Variants in VPS53 observed in about 807,000 individuals in gnomAD.
VPS53 encodes VPS53 subunit of GARP complex.
A neutral mutation model predicts 107.0 loss-of-function variants in VPS53; 70 were observed. That is an observed-to-expected ratio of 0.65 (90% CI 0.54 to 0.80). The LOEUF is 0.80. Ranked by LOEUF, VPS53 falls within the 30% of genes least tolerant of loss-of-function variation. The probability of loss-of-function intolerance (pLI) is 0.00; values close to 1 mark genes in which losing one functional copy is unlikely to be tolerated. For missense variants in VPS53, 917 were observed against 1,049.4 expected (o/e 0.87, Z 1.74); for synonymous variants, 409 against 393.3 (o/e 1.04, Z -0.47).
chr17:605,732 G>A lies in VPS53; in HGVS notation c.1117-3836C>T, dbSNP rs1244405354. Among the ~76,000 whole-genome samples, 10 of 136,562 alleles carry A rather than the reference G, an allele frequency of 7.3e-5. No individual in the cohort carries two copies. In the East Asian group the frequency reaches 1.6e-3, roughly 22 times the overall value. The allele number at this position is 136,562 out of a possible 152,430, so 89.6% of individuals were successfully genotyped here. The stretch of plus-strand genomic sequence containing the variant: ...ATATTGGTGAGTCAGGGACGGAAAC[G>A]AAGATGGGGGCCTGGGGTAAGAGGG... On this transcript the variant is annotated intron_variant, in intron 11 of 21. Coordinates refer to ENST00000437048, the MANE Select transcript of VPS53 (RefSeq NM_001128159.3).
At chr17:551,746 C>G in intron 17 of VPS53, 126 bp downstream of exon 17, 1 of 752,142 alleles carries the variant, frequency 1.3e-6, no homozygotes, top group Non-Finnish European at 2.0e-6. Flanking sequence ...ACTCCGGGGC[C>G]TCTCCATTCT....
Position 571,643 on chromosome 17 carries a change from C to A in VPS53, c.1314-8898G>T, listed in dbSNP as rs544200595. 2.1e-4 allele frequency among the ~76,000 whole-genome samples: 32 copies of A among 152,322 alleles called. No homozygotes were observed. The East Asian group carries it at 6.2e-3, about 29-fold the overall frequency. On this transcript the variant is annotated intron_variant, in intron 13 of 21. Coordinates refer to ENST00000437048, the MANE Select transcript of VPS53 (RefSeq NM_001128159.3). Reference sequence around the variant, plus strand: ...ATCTTGGCTCACTGCAACCTCCCTGCCTGATTCTCCTGCCTCAGCCTGCCG... The same window carrying A: ...ATCTTGGCTCACTGCAACCTCCCTGACTGATTCTCCTGCCTCAGCCTGCCG...
intron 5 of VPS53, chr17:657,171 A>T: frequency 6.6e-7 from 1 of 1,517,134 alleles, no homozygotes; most frequent in Non-Finnish European, 9.1e-7. Context: ...GAGTCACCAG[A>T]TGAGGGATTC....
chr17:628,359 T>C, intron 8 of VPS53, 128 bp from the exon 9 acceptor site: 1 of 1,139,882 alleles, frequency 8.8e-7, no homozygotes, highest in Non-Finnish European at 1.2e-6. Context: ...ACTCATTCTT[T>C]CTGCTGTGGC....
At chr17:553,601 G>A (rs868268995) in intron 15 of VPS53, 139 bp from the exon 16 acceptor site, 22 of 662,196 alleles carry the variant, frequency 3.3e-5, no homozygotes, top group East Asian at 2.5e-4. Context: ...TTTGAGACTC[G>A]CTCTTGTTGC....
chr17:629,036 A>G lies in VPS53; in HGVS notation c.688-805T>C, dbSNP rs570002244. ...TCCTGGCTTGGCTAAAAAGCCATGCATGTAGCTTTGGAGCACTTGCTCACC... is the reference window on the plus strand; with the variant it reads ...TCCTGGCTTGGCTAAAAAGCCATGCGTGTAGCTTTGGAGCACTTGCTCACC... On this transcript the variant is annotated intron_variant, in intron 8 of 21. Transcript: ENST00000437048. Among the ~76,000 whole-genome samples the G allele has an allele frequency of 2.0e-5, 3 of 152,378 alleles. No homozygotes were observed. In the East Asian group the frequency reaches 5.8e-4, roughly 29 times the overall value.
chr17:587,531 C>T (rs1055940486), intron 12 of VPS53, among the ~76,000 whole-genome samples: 1 of 152,130 alleles, frequency 6.6e-6, no homozygotes, highest in Non-Finnish European at 1.5e-5. Flanking sequence ...TAGGCCACTG[C>T]AACACTAGAT....
intron 2 of VPS53, among the ~76,000 whole-genome samples, chr17:707,502 A>G (rs1973454968): frequency 6.7e-6 from 1 of 148,292 alleles, no homozygotes; most frequent in South Asian, 2.2e-4. Flanking sequence ...CCTGGGGGAC[A>G]AGAATGAGAC....
chr17:595,859 G>A (rs998323573), intron 12 of VPS53, among the ~76,000 whole-genome samples: 1 of 132,012 alleles, frequency 7.6e-6, no homozygotes, highest in African/African-American at 3.1e-5. Flanking sequence ...GAAGGGGTCT[G>A]GATCAATTTC....
At chr17:659,333 T>C (rs914099617) in intron 5 of VPS53, among the ~76,000 whole-genome samples, 6 of 152,168 alleles carry the variant, frequency 3.9e-5, no homozygotes, top group East Asian at 1.9e-4. Flanking sequence ...GCCCAGGCTG[T>C]ACTGCAGTAG....
chr17:545,738 C>T (rs148480426), intron 17 of VPS53, among the ~76,000 whole-genome samples: 59 of 152,192 alleles, frequency 3.9e-4, no homozygotes, highest in Middle Eastern at 3.4e-3. Context: ...TAAGACACAG[C>T]CCTCAAGTTG....
At chr17:600,078 A>G (rs1244138033) in intron 12 of VPS53, 1 of 152,246 alleles carries the variant, frequency 6.6e-6, no homozygotes, top group Admixed American at 6.5e-5. Context: ...CTTGGTCCTT[A>G]CAACAGTAAC....
chr17:657,385 T>C, intron 5 of VPS53: 1 of 796,110 alleles, frequency 1.3e-6, no homozygotes, highest in South Asian at 1.4e-5. Flanking sequence ...TGCATGCAAA[T>C]CTTCTTAAGT....
chr17:672,948 TA>T (rs1397133033), intron 4 of VPS53, among the ~76,000 whole-genome samples: 1 of 151,840 alleles, frequency 6.6e-6, no homozygotes, highest in East Asian at 1.9e-4. Context: ...CCGTCTCTAC[TA>T]AAAATACAAA....
intron 13 of VPS53, among the ~76,000 whole-genome samples, chr17:577,044 C>T (rs754169861): frequency 2.0e-5 from 3 of 149,188 alleles, no homozygotes; most frequent in Non-Finnish European, 4.4e-5. Flanking sequence ...GGATCTAGTG[C>T]GTTCCCAGAG....
At chr17:621,062 G>A (rs1032921971) in intron 11 of VPS53, among the ~76,000 whole-genome samples, 1 of 152,082 alleles carries the variant, frequency 6.6e-6, no homozygotes, top group Non-Finnish European at 1.5e-5. Flanking sequence ...CTATACCAGA[G>A]TAAATGGAAA....
intron 11 of VPS53, chr17:616,025 G>C (rs1324274552): frequency 2.0e-5 from 3 of 152,292 alleles, no homozygotes; most frequent in Non-Finnish European, 2.9e-5. Flanking sequence ...ACATCAGCTA[G>C]AGTGACAGCC....
chr17:583,988 C>T (rs1444321540), intron 13 of VPS53, among the ~76,000 whole-genome samples: 1 of 152,168 alleles, frequency 6.6e-6, no homozygotes, highest in Non-Finnish European at 1.5e-5. Context: ...AGGGAACCTC[C>T]CTCAGGACCT....
chr17:713,658 CA>C (rs200422195), intron 1 of VPS53, among the ~76,000 whole-genome samples: 3 of 143,830 alleles, frequency 2.1e-5, no homozygotes, highest in African/African-American at 2.6e-5. Context: ...TCTCAGAAAA[CA>C]AAAAAAAAGA....
Sources: allele counts gnomAD v4.1 joint callset (sites outside exome capture counted in the v4.1 genomes callset), GRCh38; gene constraint gnomAD v4.1.1; transcripts MANE v1.5; gene names NCBI Gene and HGNC (gene_info 2026-07-23, HGNC 2026-07-21).